Variants in FAM13A observed in about 807,000 individuals in gnomAD.
The protein encoded by FAM13A is protein FAM13A.
A neutral mutation model predicts 129.6 loss-of-function variants in FAM13A; 76 were observed. The ratio of observed to expected loss-of-function variants is 0.59; its 90% CI spans 0.49 to 0.71. FAM13A has a LOEUF of 0.71. Ranked by LOEUF, FAM13A falls within the 30% of genes least tolerant of loss-of-function variation. The pLI is 0.00. For synonymous variants in FAM13A, 443 were observed against 449.9 expected (o/e 0.98, Z 0.20); for missense variants, 1,108 against 1,249.3 (o/e 0.89, Z 1.70).
At chr4:88,876,207 G>C (rs537066991) in intron 6 of FAM13A, among the ~76,000 whole-genome samples, 1 of 152,050 alleles carries the variant, frequency 6.6e-6, no homozygotes, top group Non-Finnish European at 1.5e-5. Flanking sequence ...GAGTTAATGG[G>C]TGCAGCACAC....
chr4:88,945,990 G>GTATGTATATATATATA (rs1553901196), intron 4 of FAM13A, among the ~76,000 whole-genome samples: 6 of 61,962 alleles, frequency 9.7e-5, no homozygotes, highest in African/African-American at 1.7e-4. Flanking sequence ...GTGTGTGTGT[G>GTATGTATATATATATA]TATATATATA....
intron 6 of FAM13A, among the ~76,000 whole-genome samples, chr4:88,880,693 G>A (rs1316868833): frequency 2.0e-5 from 3 of 151,688 alleles, no homozygotes; most frequent in Admixed American, 2.0e-4. Flanking sequence ...TTCTCAGCCG[G>A]GAGGCTGGCA....
intron 10 of FAM13A, among the ~76,000 whole-genome samples, chr4:88,787,214 A>T (rs1724148250): frequency 6.6e-6 from 1 of 152,184 alleles, no homozygotes; most frequent in African/African-American, 2.4e-5. Context: ...CCTTAAAATT[A>T]GTGATTATTA....
At chr4:88,795,822 C>T (rs1726055546) in intron 8 of FAM13A, among the ~76,000 whole-genome samples, 1 of 151,646 alleles carries the variant, frequency 6.6e-6, no homozygotes, top group African/African-American at 2.4e-5. Flanking sequence ...TTTATTTCAT[C>T]TAGGTTTTCA....
At chr4:88,827,612 A>G (rs1357436304) in intron 7 of FAM13A, among the ~76,000 whole-genome samples, 2 of 152,224 alleles carry the variant, frequency 1.3e-5, no homozygotes, top group East Asian at 3.8e-4. Flanking sequence ...TGATGTAATT[A>G]TTCCCTTTGT....
chr4:89,033,311 C>A (rs1029355416), intron 1 of FAM13A, among the ~76,000 whole-genome samples: 2 of 152,152 alleles, frequency 1.3e-5, no homozygotes, highest in Admixed American at 1.3e-4. Flanking sequence ...ATACTTCAAA[C>A]GGCTTCACTC....
In FAM13A at chr4:89,033,138, T is replaced by A. The variant is rs1795725; in HGVS notation, c.28-3489A>T. ...TCTGTAACAACACACACACACACAC[T>A]CTCTCTCTCTCTCTCTCTCTAATTG... On this transcript the variant is annotated intron_variant, in intron 1 of 23. Coordinates refer to ENST00000264344, the MANE Select transcript of FAM13A (RefSeq NM_014883.4). Among the ~76,000 whole-genome samples the A allele has an allele frequency of 5.4e-3, 414 of 76,990 alleles. 1 individual carries two copies. Among genetic ancestry groups the A allele is most frequent in the Middle Eastern group, 0.023 (4 of 172 alleles). The allele number at this position is 76,990 out of a possible 152,430, so 50.5% of individuals were successfully genotyped here.
intron 4 of FAM13A, among the ~76,000 whole-genome samples, chr4:88,947,552 T>C (rs984948564): frequency 3.0e-4 from 46 of 152,192 alleles, no homozygotes; most frequent in Non-Finnish European, 5.9e-4. Context: ...TCAATTGGCA[T>C]AATAATAAAT....
chr4:88,796,984 TAATAA>T (rs1292422612), intron 8 of FAM13A, among the ~76,000 whole-genome samples: 1 of 152,068 alleles, frequency 6.6e-6, no homozygotes, highest in East Asian at 1.9e-4. Flanking sequence ...CACGTCAACC[TAATAA>T]AATAAGAAAA....
chr4:89,033,744 T>A (rs537834807), intron 1 of FAM13A, among the ~76,000 whole-genome samples: 1 of 152,138 alleles, frequency 6.6e-6, no homozygotes, highest in Non-Finnish European at 1.5e-5. Flanking sequence ...GTTTTTACAA[T>A]AGCTAACACA....
chr4:88,790,491 A>G, intron 9 of FAM13A, 95 bp downstream of exon 9: 1 of 1,004,120 alleles, frequency 1.0e-6, no homozygotes, highest in Non-Finnish European at 1.5e-6. Context: ...AATACTGTAC[A>G]CCATTAGAGT....
chr4:89,001,003 T>G (rs1482030047), intron 3 of FAM13A, among the ~76,000 whole-genome samples: 2 of 152,268 alleles, frequency 1.3e-5, no homozygotes, highest in Non-Finnish European at 2.9e-5. Context: ...ATGGAATAAT[T>G]TGCTCAGTCA....
At position 88,989,246 on chromosome 4, in the gene FAM13A, G is replaced by A. The variant is rs1408626438; in HGVS notation, c.605+1727C>T. Among the ~76,000 whole-genome samples, 8 of 152,126 alleles carry A rather than the reference G, an allele frequency of 5.3e-5. No homozygotes were observed. In the East Asian group the frequency reaches 1.5e-3, roughly 29 times the overall value. Reference sequence around the variant, plus strand: ...AAACAAACAAAAAGCTACATTAAACGACTGATCTATTAGGTAAATGGAATT... The same window carrying A: ...AAACAAACAAAAAGCTACATTAAACAACTGATCTATTAGGTAAATGGAATT... On this transcript the variant is annotated intron_variant, in intron 4 of 23. Transcript: ENST00000264344.
intron 4 of FAM13A, among the ~76,000 whole-genome samples, chr4:88,971,474 A>G (rs996312688): frequency 6.6e-6 from 1 of 152,182 alleles, no homozygotes; most frequent in Non-Finnish European, 1.5e-5. Flanking sequence ...CTTTTTAAAA[A>G]TGGCTCTGGG....
intron 13 of FAM13A, chr4:88,759,317 C>CGA (rs1336578303): frequency 6.3e-6 from 1 of 158,918 alleles, no homozygotes; most frequent in Non-Finnish European, 1.4e-5. Context: ...GACTTCTTTG[C>CGA]CCCTTAGGTA....
intron 4 of FAM13A, among the ~76,000 whole-genome samples, chr4:88,976,032 G>A (rs541860282): frequency 3.3e-5 from 5 of 152,250 alleles, no homozygotes; most frequent in African/African-American, 4.8e-5. Flanking sequence ...AATGTACTGC[G>A]CTGCTCTCTT....
At chr4:88,987,719 G>A (rs955477033) in intron 4 of FAM13A, among the ~76,000 whole-genome samples, 1 of 151,158 alleles carries the variant, frequency 6.6e-6, no homozygotes, top group African/African-American at 2.4e-5. Context: ...GCGGGCGCCT[G>A]TAGTCCCAGC....
Position 88,739,090 on chromosome 4 carries a change from T to C in FAM13A, c.2502A>G (p.Leu834=). 3 of 1,613,930 alleles carry C rather than the reference T, an allele frequency of 1.9e-6. No homozygotes were observed. Among genetic ancestry groups the C allele is most frequent in the African/African-American group, 1.3e-5 (1 of 74,980 alleles). The change falls in exon 20 of 24, where the codon CTA becomes CTG. Residue 834 remains leucine, a synonymous_variant. Transcript: ENST00000264344. ...TKNERQVMKP[L]YDRYRLVKQI... ...GTTTGACCAGCCGGTACCTGTCGTA[T>C]AGTGGCTTCATCACCTGCCGTTCGT...
intron 23 of FAM13A, 143 bp from the exon 24 acceptor site, chr4:88,728,802 A>G: frequency 1.2e-6 from 1 of 864,420 alleles, no homozygotes; most frequent in Non-Finnish European, 1.8e-6. Flanking sequence ...CCTTGGTCTC[A>G]AGACTGGGGC....
Sources: allele counts gnomAD v4.1 joint callset (sites outside exome capture counted in the v4.1 genomes callset), GRCh38; gene constraint gnomAD v4.1.1; transcripts MANE v1.5; gene names NCBI Gene and HGNC (gene_info 2026-07-23, HGNC 2026-07-21).